Variants in CKLF observed in about 807,000 individuals in gnomAD.
CKLF encodes the protein chemokine-like factor.
A neutral mutation model predicts 12.9 loss-of-function variants in CKLF; 16 were observed. The observed-to-expected ratio is 1.24, with a 90% CI of 0.84 to 1.88. The LOEUF (loss-of-function observed/expected upper bound fraction) is 1.88. Among genes scored for constraint, CKLF ranks in the 40% most tolerant of loss-of-function variants. The pLI, the probability that CKLF is intolerant of heterozygous loss-of-function variation, is 0.00. For missense variants in CKLF, 172 were observed against 188.5 expected (o/e 0.91, Z 0.51); for synonymous variants, 61 against 69.0 (o/e 0.88, Z 0.57).
chr16:66,555,520 G>A (rs111641127), intron 1 of CKLF, among the ~76,000 whole-genome samples: 42 of 152,298 alleles, frequency 2.8e-4, no homozygotes, highest in African/African-American at 9.9e-4. Flanking sequence ...TAAGCAACTG[G>A]AAGGATGGAG....
chr16:66,560,387 C>A (rs1398649990), intron 2 of CKLF, among the ~76,000 whole-genome samples: 1 of 152,004 alleles, frequency 6.6e-6, no homozygotes. Context: ...AGGAGAGTAG[C>A]ATGATCAGAT....
chr16:66,561,732 G>C (rs903693079), intron 2 of CKLF, among the ~76,000 whole-genome samples: 6 of 152,110 alleles, frequency 3.9e-5, no homozygotes, highest in African/African-American at 1.4e-4. Context: ...TACCCCCATT[G>C]AACCTGTTCC....
intron 1 of CKLF, among the ~76,000 whole-genome samples, chr16:66,557,143 A>G (rs2011479597): frequency 6.6e-6 from 1 of 152,110 alleles, no homozygotes; most frequent in Non-Finnish European, 1.5e-5. Context: ...AAGCTATTAA[A>G]CATCAGAATT....
chr16:66,558,619 G>T, intron 2 of CKLF: 1 of 294,904 alleles, frequency 3.4e-6, no homozygotes, highest in East Asian at 7.0e-5. Context: ...ATCTTCTAAA[G>T]AAATTTAAAT....
chr16:66,557,224 G>A (rs1428072045), intron 1 of CKLF, among the ~76,000 whole-genome samples: 5 of 152,090 alleles, frequency 3.3e-5, no homozygotes, highest in Non-Finnish European at 7.4e-5. Context: ...AGGCTGGAGT[G>A]CAGTGGCATC....
chr16:66,564,852 C>T (rs2012081095), intron 3 of CKLF, among the ~76,000 whole-genome samples: 1 of 152,142 alleles, frequency 6.6e-6, no homozygotes. Flanking sequence ...TCATATTATG[C>T]TGCTTTCAGA....
intron 3 of CKLF, chr16:66,565,668 T>G (rs1474006158): frequency 1.1e-5 from 6 of 558,328 alleles, no homozygotes; most frequent in African/African-American, 1.9e-5. Context: ...TCACTTAAAT[T>G]ATCTTTTCTC....
intron 2 of CKLF, among the ~76,000 whole-genome samples, chr16:66,559,396 A>G (rs903101706): frequency 1.4e-4 from 22 of 152,170 alleles, no homozygotes; most frequent in African/African-American, 4.8e-4. Context: ...TCTCAAAACT[A>G]CTTGATGTAC....
In CKLF at chr16:66,558,339, G is replaced by A; in HGVS notation, c.228G>A (p.Trp76Ter). 6.2e-7 allele frequency: 1 copy of A among 1,604,118 alleles called. No homozygotes were observed. The highest frequency in any genetic ancestry group is 8.5e-7 in the Non-Finnish European group (1 of 1,177,830). Residue 76 changes from tryptophan (W) to a stop codon, truncating the protein, a stop_gained, in exon 2 of 4, where the codon TGG becomes TGA. Transcript: ENST00000264001. LOFTEE classifies it high-confidence loss of function. Reference sequence around the variant, plus strand: ...ATCGATTAATGAAGTGGTTATTTTGGCCTTTGCTTGTAAGTGTTCAGTTTC... The same window carrying A: ...ATCGATTAATGAAGTGGTTATTTTGACCTTTGCTTGTAAGTGTTCAGTTTC... ...RLDRLMKWLFWPLLDIINSLV... is the reference protein window; with the variant it reads ...RLDRLMKWLF
chr16:66,552,843 G>A, intron 1 of CKLF, 50 bp downstream of exon 1: 3 of 1,613,044 alleles, frequency 1.9e-6, no homozygotes, highest in Non-Finnish European at 2.5e-6. Flanking sequence ...GCTGGGGGGC[G>A]GGAGATGTGG....
chr16:66,558,533 A>G (rs1182250197), intron 2 of CKLF, 185 bp downstream of exon 2: 2 of 709,644 alleles, frequency 2.8e-6, no homozygotes, highest in Middle Eastern at 8.5e-4. Flanking sequence ...GATGCAGGGC[A>G]GCCACAGAGC....
chr16:66,563,006 G>A (rs1229003612), intron 2 of CKLF, 116 bp from the exon 3 acceptor site: 6 of 1,144,932 alleles, frequency 5.2e-6, no homozygotes, highest in African/African-American at 4.6e-5. Context: ...GGGAGCCAGT[G>A]CATTCTGCCT....
At chr16:66,565,802 C>T in intron 3 of CKLF, 84 bp from the exon 4 acceptor site, 1 of 1,278,758 alleles carries the variant, frequency 7.8e-7, no homozygotes, top group Non-Finnish European at 1.1e-6. Flanking sequence ...AGAGAGGAAT[C>T]TGGTGGGCAG....
intron 3 of CKLF, 116 bp downstream of exon 3, chr16:66,563,333 C>A: frequency 1.7e-6 from 2 of 1,178,310 alleles, no homozygotes; most frequent in Non-Finnish European, 2.4e-6. Context: ...ATTCCTAGGC[C>A]AATATACAAT....
chr16:66,562,871 C>T (rs1419356333), intron 2 of CKLF, among the ~76,000 whole-genome samples: 1 of 152,080 alleles, frequency 6.6e-6, no homozygotes, highest in East Asian at 1.9e-4. Context: ...CAGGCATGCA[C>T]CACCATGTCT....
At chr16:66,560,737 C>T (rs142921592) in intron 2 of CKLF, among the ~76,000 whole-genome samples, 4 of 149,210 alleles carry the variant, frequency 2.7e-5, no homozygotes, top group East Asian at 2.0e-4. Context: ...CTGGTGTCAC[C>T]GAAGCCAAGA....
intron 3 of CKLF, chr16:66,565,500 T>G: frequency 5.4e-6 from 1 of 184,774 alleles, no homozygotes; most frequent in Non-Finnish European, 1.2e-5. Context: ...TTCTGTAGAG[T>G]TTGTCAGTAG....
intron 3 of CKLF, 118 bp downstream of exon 3, chr16:66,563,335 A>C: frequency 8.5e-7 from 1 of 1,174,942 alleles, no homozygotes; most frequent in Non-Finnish European, 1.2e-6. Flanking sequence ...TCCTAGGCCA[A>C]TATACAATGC....
At chr16:66,563,026 G>GT (rs16970050) in intron 2 of CKLF, 96 bp from the exon 3 acceptor site, 59,538 of 1,435,448 alleles carry the variant, frequency 0.041, 2,001 homozygotes, top group Admixed American at 0.16. Context: ...TGCTGACTTT[G>GT]TTTTTTGTTG....
Sources: gnomAD v4.1 joint callset for allele counts (sites outside exome capture counted in the v4.1 genomes callset) on GRCh38, gnomAD v4.1.1 for gene constraint, MANE v1.5 for transcripts, NCBI Gene and HGNC (gene_info 2026-07-23, HGNC 2026-07-21) for gene names.